Variants in PICALM observed in about 807,000 individuals in gnomAD.
The protein encoded by PICALM is phosphatidylinositol binding clathrin assembly protein, also known as phosphatidylinositol-binding clathrin assembly protein.
In PICALM, 40 loss-of-function variants were observed where a neutral mutation model predicts 80.5. The observed-to-expected ratio is 0.50, with a 90% CI of 0.39 to 0.65. The LOEUF (loss-of-function observed/expected upper bound fraction) is 0.65, where lower values mean the gene tolerates loss of function less well. PICALM is among the 30% of genes least tolerant of loss of function. The probability of loss-of-function intolerance (pLI) is 0.00; values close to 1 mark genes in which losing one functional copy is unlikely to be tolerated. For missense variants in PICALM, 676 were observed against 778.9 expected (o/e 0.87, Z 1.57); for synonymous variants, 288 against 260.3 (o/e 1.11, Z -1.02).
At chr11:86,011,908 T>C (rs654434) in intron 6 of PICALM, among the ~76,000 whole-genome samples, 1 of 149,612 alleles carries the variant, frequency 6.7e-6, no homozygotes, top group African/African-American at 2.4e-5. Context: ...TGGAGTACAA[T>C]GGCACGATCT....
intron 19 of PICALM, among the ~76,000 whole-genome samples, chr11:85,960,398 C>T (rs954649666): frequency 6.6e-6 from 1 of 152,144 alleles, no homozygotes; most frequent in Admixed American, 6.5e-5. Flanking sequence ...TATTCACTTG[C>T]CCTTAATTAA....
At chr11:86,064,015 T>C (rs1205873818) in intron 1 of PICALM, among the ~76,000 whole-genome samples, 1 of 152,188 alleles carries the variant, frequency 6.6e-6, no homozygotes. Context: ...ATACGCAAAC[T>C]AAGCACCCAT....
intron 17 of PICALM, 146 bp downstream of exon 17, chr11:85,980,983 C>T (rs1209076850): frequency 7.3e-6 from 4 of 551,072 alleles, no homozygotes; most frequent in Non-Finnish European, 1.3e-5. Context: ...AGGCAACCAG[C>T]TTCCTTTGAA....
intron 4 of PICALM, 96 bp from the exon 5 acceptor site, chr11:86,015,059 A>G: frequency 1.5e-6 from 1 of 685,270 alleles, no homozygotes; most frequent in Non-Finnish European, 2.4e-6. Flanking sequence ...CAGAGAACCA[A>G]GTTGCTATGA....
intron 3 of PICALM, among the ~76,000 whole-genome samples, chr11:86,023,933 G>A (rs2095607079): frequency 2.6e-5 from 4 of 151,990 alleles, no homozygotes; most frequent in Admixed American, 2.6e-4. Context: ...AGACCAACCT[G>A]GTCAACAGAG....
chr11:86,023,737 A>G (rs751428946), intron 3 of PICALM, among the ~76,000 whole-genome samples: 3 of 152,204 alleles, frequency 2.0e-5, no homozygotes, highest in African/African-American at 7.2e-5. Context: ...TGAGGGAGGA[A>G]GTGAAAATTA....
chr11:85,958,000 A>G lies in PICALM; in HGVS notation c.*1046T>C, dbSNP rs762345946. ...GATCATAACATGGCACGAGCCAAAG[A>G]AAATGTTCAAGGACTTTGCCCCCCT... On this transcript the variant is annotated 3_prime_UTR_variant, in exon 20 of 20. Transcript: ENST00000393346. 4.4e-6 allele frequency: 1 copy of G among 225,866 alleles called. No individual in the cohort carries two copies. Among genetic ancestry groups the G allele is most frequent in the African/African-American group, 2.2e-5 (1 of 44,904 alleles). The allele number at this position is 225,866 out of a possible 1,614,324, so 14.0% of individuals were successfully genotyped here.
chr11:85,997,474 TTTC>T (rs1276304879), intron 11 of PICALM, among the ~76,000 whole-genome samples: 2 of 152,206 alleles, frequency 1.3e-5, no homozygotes, highest in Admixed American at 1.3e-4. Context: ...GATATATTTC[TTTC>T]TTCTTTTTTT....
intron 7 of PICALM, among the ~76,000 whole-genome samples, chr11:86,010,106 G>A (rs1001421726): frequency 6.6e-5 from 10 of 152,096 alleles, no homozygotes; most frequent in African/African-American, 2.4e-4. Context: ...GTGGAGATGG[G>A]TAGAGGCTGG....
intron 1 of PICALM, among the ~76,000 whole-genome samples, chr11:86,040,270 T>C (rs2095936262): frequency 6.6e-6 from 1 of 151,842 alleles, no homozygotes; most frequent in African/African-American, 2.4e-5. Context: ...GTAAAATGAG[T>C]CAAATGTCAT....
intron 4 of PICALM, among the ~76,000 whole-genome samples, chr11:86,022,124 C>A (rs1235535092): frequency 5.9e-5 from 9 of 151,996 alleles, no homozygotes; most frequent in African/African-American, 2.2e-4. Flanking sequence ...ACACTAAAAA[C>A]CAATGAATTA....
chr11:86,021,981 G>T (rs960232520), intron 4 of PICALM, among the ~76,000 whole-genome samples: 3 of 152,156 alleles, frequency 2.0e-5, no homozygotes, highest in Non-Finnish European at 4.4e-5. Context: ...CAGAGACACA[G>T]AAAGTAGATT....
At chr11:86,049,881 T>C (rs1032789414) in intron 1 of PICALM, among the ~76,000 whole-genome samples, 1 of 150,584 alleles carries the variant, frequency 6.6e-6, no homozygotes, top group South Asian at 2.1e-4. Flanking sequence ...TAAAACTACA[T>C]ATTGGACACA....
chr11:86,015,520 A>G (rs1021694572), intron 4 of PICALM, among the ~76,000 whole-genome samples: 5 of 152,228 alleles, frequency 3.3e-5, no homozygotes, highest in Non-Finnish European at 7.4e-5. Context: ...AAATCATTCT[A>G]ATCTGGCTAT....
intron 1 of PICALM, among the ~76,000 whole-genome samples, chr11:86,061,086 T>C (rs1001795915): frequency 2.0e-5 from 3 of 152,040 alleles, no homozygotes; most frequent in Admixed American, 6.6e-5. Context: ...CCCAACACTT[T>C]GGGAGGCTGA....
intron 8 of PICALM, among the ~76,000 whole-genome samples, chr11:86,004,015 T>C (rs1029321836): frequency 6.6e-6 from 1 of 152,204 alleles, no homozygotes; most frequent in Admixed American, 6.5e-5. Context: ...TTTATCACCT[T>C]GAAAATGGAT....
intron 4 of PICALM, 63 bp from the exon 5 acceptor site, chr11:86,015,026 C>G: frequency 1.1e-6 from 1 of 948,176 alleles, no homozygotes; most frequent in Non-Finnish European, 1.6e-6. Flanking sequence ...ATTTCAAACT[C>G]CCCCCCTGGT....
intron 7 of PICALM, among the ~76,000 whole-genome samples, chr11:86,009,689 T>C (rs1226635242): frequency 4.0e-5 from 6 of 151,334 alleles, no homozygotes; most frequent in African/African-American, 1.5e-4. Context: ...CAAGACTTCA[T>C]CTCAAAAACA....
In PICALM at chr11:86,007,568, T is replaced by C. The variant is rs778156709; in HGVS notation, c.781A>G (p.Arg261Gly). 1 of 1,490,360 alleles carries C rather than the reference T, an allele frequency of 6.7e-7. No individual in the cohort carries two copies. The highest frequency in any genetic ancestry group is 9.3e-7 in the Non-Finnish European group (1 of 1,078,788). The allele number at this position is 1,490,360 out of a possible 1,614,324, so 92.3% of individuals were successfully genotyped here. A position where few individuals can be genotyped will look rare whatever the true frequency, so the allele number is the denominator to read the frequency against. The change falls in exon 8 of 20, where the codon AGA (arginine) becomes GGA (glycine). Residue 261 changes from arginine to glycine, a missense_variant. By Grantham distance (125) the Arg-to-Gly change is moderately radical. This residue lies in a region of PICALM where 285 missense variants were observed against 395.4 expected (regional missense o/e 0.72). Transcript: ENST00000393346. ...LKVAEQVGIDRGDIPDLSQAP... is the reference protein window; with the variant it reads ...LKVAEQVGIDGGDIPDLSQAP... ...TGTGAAAGGTCTGGTATATCACCTC[T>C]GTCAATTCCAACTTGCTGTAAGAAA...
Sources: allele counts gnomAD v4.1 joint callset (sites outside exome capture counted in the v4.1 genomes callset), GRCh38; gene constraint gnomAD v4.1.1; regional missense constraint gnomAD v4.1.1; transcripts MANE v1.5; gene names NCBI Gene and HGNC (gene_info 2026-07-23, HGNC 2026-07-21).